Variants in ARHGEF33 observed in about 807,000 individuals in gnomAD.
ARHGEF33 encodes the protein Rho guanine nucleotide exchange factor 33, also known as DH and coiled-coil domain-containing protein ENSP00000381780.
A neutral mutation model predicts 101.9 loss-of-function variants in ARHGEF33; 72 were observed. That is an observed-to-expected ratio of 0.71 (90% confidence interval 0.58 to 0.86). The LOEUF (loss-of-function observed/expected upper bound fraction) is 0.86. ARHGEF33 is among the 40% of genes least tolerant of loss of function. The pLI, the probability that ARHGEF33 is intolerant of heterozygous loss-of-function variation, is 0.00. For synonymous variants in ARHGEF33, 499 were observed against 442.5 expected, an observed-to-expected ratio of 1.13 and a Z score of -1.60; for missense variants, 1,169 against 1,111.3, an observed-to-expected ratio of 1.05 and a Z score of -0.74.
rs1333174213 is a variant in ARHGEF33 at position 38,958,022 on chromosome 2, C to T, written c.1371-12C>T. ...CTGTACAACCTGAGAACTGTTATTT[C>T]CATTCTGTTAGGTCATCCATGGCGA... is the stretch of plus-strand genomic sequence containing the variant. On this transcript the variant is annotated splice_polypyrimidine_tract_variant and intron_variant, in intron 14 of 17. Coordinates refer to ENST00000409978, the MANE Select transcript of ARHGEF33 (RefSeq NM_001145451.5). 1.3e-6 allele frequency: 2 copies of T among 1,552,204 alleles called. No individual in the cohort carries two copies. The highest frequency in any genetic ancestry group is 2.4e-5 in the East Asian group (1 of 40,928).
chr2:38,967,504 C>A (rs761803156), intron 17 of ARHGEF33, among the ~76,000 whole-genome samples: 1 of 152,304 alleles, frequency 6.6e-6, no homozygotes, highest in South Asian at 2.1e-4. Flanking sequence ...CTTGACCCAG[C>A]GCCAACATCT....
intron 3 of ARHGEF33, 92 bp downstream of exon 3, chr2:38,919,564 A>G (rs1346618366): frequency 7.9e-7 from 1 of 1,273,320 alleles, no homozygotes; most frequent in African/African-American, 1.5e-5. Flanking sequence ...ACATGACAGT[A>G]TGTTAACTAT....
At chr2:38,935,703 C>T in intron 7 of ARHGEF33, 72 bp from the exon 8 acceptor site, 1 of 1,271,768 alleles carries the variant, frequency 7.9e-7, no homozygotes, top group Non-Finnish European at 1.1e-6. Flanking sequence ...GCCCCCAGTG[C>T]CAGGCTCGTG....
At chr2:38,961,645 A>G (rs1421839084) in intron 16 of ARHGEF33, among the ~76,000 whole-genome samples, 1 of 152,144 alleles carries the variant, frequency 6.6e-6, no homozygotes, top group Non-Finnish European at 1.5e-5. Flanking sequence ...CTTGTCTTGT[A>G]CCAGGCTCTG....
rs1377077056 is a variant in ARHGEF33, at chr2:38,960,130, G to A, written c.1825G>A (p.Val609Met). 1 of 1,542,252 alleles carries A rather than the reference G, an allele frequency of 6.5e-7. No homozygotes were observed. The highest frequency in any genetic ancestry group is 8.7e-7 in the Non-Finnish European group (1 of 1,145,360). Residue 609 changes from valine to methionine, a missense_variant, in exon 16 of 18, where the codon GTG becomes ATG. Physicochemically the swap from Val to Met is conservative, Grantham distance 21. Coordinates refer to ENST00000409978, the MANE Select transcript of ARHGEF33 (RefSeq NM_001145451.5). The stretch of plus-strand genomic sequence containing the variant: ...GCTCCTGCCCGATGCCCGCGGCTTC[G>A]TGCCCGCGGCCTACGAAGAGTTCGA... ...AELLPDARGF[V>M]PAAYEEFEYG...
At chr2:38,932,101 A>G (rs1667018174) in intron 7 of ARHGEF33, among the ~76,000 whole-genome samples, 1 of 152,180 alleles carries the variant, frequency 6.6e-6, no homozygotes, top group South Asian at 2.1e-4. Flanking sequence ...TTCAAAGTAC[A>G]GATTTGCCTT....
intron 9 of ARHGEF33, among the ~76,000 whole-genome samples, chr2:38,939,874 C>T (rs1188884196): frequency 6.6e-6 from 1 of 152,202 alleles, no homozygotes; most frequent in Non-Finnish European, 1.5e-5. Context: ...GAAACCTTTG[C>T]TATCTCACAG....
chr2:38,943,970 T>C lies in ARHGEF33; in HGVS notation c.860T>C (p.Ile287Thr). The C allele has an allele frequency of 6.4e-7, 1 of 1,551,716 alleles. No homozygotes were observed. The highest frequency in any genetic ancestry group is 8.7e-7 in the Non-Finnish European group (1 of 1,146,950). The change falls in exon 10 of 18, where the codon ATC becomes ACC. Residue 287 changes from isoleucine to threonine, a missense_variant. Physicochemically the swap from Ile to Thr is moderately conservative, Grantham distance 89. Coordinates refer to ENST00000409978, the MANE Select transcript of ARHGEF33 (RefSeq NM_001145451.5). ...ERKYVINISL[I>T]LKIKATFQGS... Reference sequence around the variant, plus strand: ...AAATATGTCATTAACATCTCTCTGATCTTGAAGATAAAAGCCACATTCCAG... The same window carrying C: ...AAATATGTCATTAACATCTCTCTGACCTTGAAGATAAAAGCCACATTCCAG...
In ARHGEF33 at chr2:38,960,459, C is replaced by T. The variant is rs1271041878; in HGVS notation, c.2154C>T (p.Ala718=). ...SLKEFPRAPP[A]DGVAPRLYST... ...AAGAGTTCCCGCGTGCGCCGCCAGC[C>T]GACGGCGTGGCCCCACGCCTCTACA... is the stretch of plus-strand genomic sequence containing the variant. The change falls in exon 16 of 18, where the codon GCC becomes GCT. Residue 718 remains alanine (A), a synonymous_variant. Transcript: ENST00000409978. The T allele has an allele frequency of 6.7e-6, 10 of 1,493,514 alleles. No homozygotes were observed. In the African/African-American group the frequency reaches 1.0e-4, roughly 15 times the overall value. The allele number at this position is 1,493,514 out of a possible 1,614,324, so 92.5% of individuals were successfully genotyped here. A position where few individuals can be genotyped will look rare whatever the true frequency, so the allele number is the denominator to read the frequency against.
At chr2:38,899,952 G>C (rs368802005) in intron 2 of ARHGEF33, among the ~76,000 whole-genome samples, 1 of 152,140 alleles carries the variant, frequency 6.6e-6, no homozygotes, top group Non-Finnish European at 1.5e-5. Flanking sequence ...ACTTTGGAAG[G>C]CTGGTGGGGG....
chr2:38,927,682 C>A lies in ARHGEF33; in HGVS notation c.76-1225C>A, dbSNP rs534398791. On this transcript the variant is annotated intron_variant, in intron 4 of 17. Transcript: ENST00000409978. ...CTGCACTCCAGCCTGGGCGACAGAGCAAGACCCTGTCTCAAAACAAGACAA... is the reference window on the plus strand; with the variant it reads ...CTGCACTCCAGCCTGGGCGACAGAGAAAGACCCTGTCTCAAAACAAGACAA... Among the ~76,000 whole-genome samples the A allele has an allele frequency of 4.9e-4, 75 of 152,288 alleles. 1 individual carries two copies. In the South Asian group the frequency reaches 8.9e-3, roughly 18 times the overall value.
At position 38,950,457 on chromosome 2, in the gene ARHGEF33, A is replaced by T. The variant is rs950291448; in HGVS notation, c.921-532A>T. The stretch of plus-strand genomic sequence containing the variant: ...CTCTTTATTTATTTGTATTTTATTT[A>T]TTTATTTATTTTGAGACAGAGTCTC... On this transcript the variant is annotated intron_variant, in intron 10 of 17. Transcript: ENST00000409978. 3.3e-5 allele frequency among the ~76,000 whole-genome samples: 5 copies of T among 152,096 alleles called. No individual in the cohort carries two copies. The South Asian group carries it at 6.2e-4, about 19-fold the overall frequency.
chr2:38,964,704 C>T (rs1173722235), intron 16 of ARHGEF33, among the ~76,000 whole-genome samples: 1 of 152,026 alleles, frequency 6.6e-6, no homozygotes, highest in Non-Finnish European at 1.5e-5. Flanking sequence ...TTCGCTTGCT[C>T]ACCCACCCCA....
chr2:38,917,114 C>T (rs1319726107), intron 2 of ARHGEF33, among the ~76,000 whole-genome samples: 9 of 12,816 alleles, frequency 7.0e-4, no homozygotes, highest in South Asian at 7.9e-3. Flanking sequence ...TTTTTTGAGA[C>T]GGAGTCTCAC....
chr2:38,922,770 A>C (rs79141371), intron 4 of ARHGEF33, among the ~76,000 whole-genome samples: 1,723 of 152,330 alleles, frequency 0.011, 39 homozygotes, highest in East Asian at 0.065. Context: ...AGGCATTGAT[A>C]CAATTCTGTG....
intron 17 of ARHGEF33, among the ~76,000 whole-genome samples, chr2:38,971,604 C>T (rs867301936): frequency 3.9e-5 from 6 of 152,188 alleles, no homozygotes; most frequent in East Asian, 3.9e-4. Flanking sequence ...CAGGTGGCCA[C>T]GTATATGTAA....
At chr2:38,895,044 A>T (rs535542642) in intron 1 of ARHGEF33, among the ~76,000 whole-genome samples, 23 of 152,200 alleles carry the variant, frequency 1.5e-4, no homozygotes, top group Non-Finnish European at 3.4e-4. Context: ...TGATAAAGTG[A>T]CAAAAGGTGA....
chr2:38,973,642 G>T, intron 17 of ARHGEF33, 72 bp from the exon 18 acceptor site: 1 of 1,400,068 alleles, frequency 7.1e-7, no homozygotes, highest in Non-Finnish European at 9.4e-7. Context: ...AAAACAATTG[G>T]GATAGATAAA....
Position 38,954,460 on chromosome 2 carries a change from G to A in ARHGEF33, c.1221+4G>A. 2 of 1,543,858 alleles carry A rather than the reference G, an allele frequency of 1.3e-6. No individual in the cohort carries two copies. Among genetic ancestry groups the A allele is most frequent in the South Asian group, 2.4e-5 (2 of 83,774 alleles). ...TGAATATCTGATACATCTGCAGGTAGGCATGGGTGGGAAAGCCACCAAACT... is the reference window on the plus strand; with the variant it reads ...TGAATATCTGATACATCTGCAGGTAAGCATGGGTGGGAAAGCCACCAAACT... On this transcript the variant is annotated splice_donor_region_variant and intron_variant, in intron 13 of 17. Transcript: ENST00000409978.
Sources: allele counts gnomAD v4.1 joint callset (sites outside exome capture counted in the v4.1 genomes callset), GRCh38; gene constraint gnomAD v4.1.1; transcripts MANE v1.5; gene names NCBI Gene and HGNC (gene_info 2026-07-23, HGNC 2026-07-21).